Variants in DOC2B observed in about 807,000 individuals in gnomAD.
DOC2B encodes the protein double C2-like domain-containing protein beta.
In DOC2B, 21 loss-of-function variants were observed where a neutral mutation model predicts 28.9. The ratio of observed to expected loss-of-function variants is 0.73; its 90% CI spans 0.52 to 1.05. The LOEUF (loss-of-function observed/expected upper bound fraction) is 1.05, where lower values mean the gene tolerates loss of function less well. Among genes scored for constraint, DOC2B ranks in the 50% least tolerant of loss-of-function variants. DOC2B has a pLI of 0.00. For synonymous variants in DOC2B, 194 were observed against 178.1 expected (o/e 1.09, Z -0.71); for missense variants, 384 against 421.1 (o/e 0.91, Z 0.77).
chr17:147,519 G>T lies in DOC2B; in HGVS notation c.1161C>A (p.Cys387Ter). ...CGATGCGCTTGTCCTTGTTCTTCAG[G>T]CAGTCAAACCAGTGCTTCAGGCGCT... Reference protein sequence around the residue: ...KGERLKHWFDCLKNKDKRIER... With the variant: ...KGERLKHWFD Residue 387 changes from cysteine to a stop codon, truncating the protein, a stop_gained, in exon 9 of 9, where the codon TGC (cysteine) becomes TGA (stop). Coordinates refer to ENST00000613549, the MANE Select transcript of DOC2B (RefSeq NM_003585.5). LOFTEE classifies it high-confidence loss of function. 2.5e-6 allele frequency: 1 copy of T among 398,810 alleles called. No individual in the cohort carries two copies. The highest frequency in any genetic ancestry group is 4.4e-6 in the Non-Finnish European group (1 of 226,194). 24.7% of individuals were successfully genotyped at this position (398,810 alleles called of 1,614,324 possible). A position where few individuals can be genotyped will look rare whatever the true frequency, so the allele number is the denominator to read the frequency against.
chr17:159,055 A>C (rs1272105193), intron 5 of DOC2B, among the ~76,000 whole-genome samples: 6 of 151,504 alleles, frequency 4.0e-5, no homozygotes, highest in African/African-American at 1.5e-4. Flanking sequence ...AAAAAAAAAA[A>C]AACAACCAAC....
chr17:149,835 A>G (rs1228298261), intron 6 of DOC2B, among the ~76,000 whole-genome samples: 2 of 152,350 alleles, frequency 1.3e-5, no homozygotes, highest in East Asian at 3.9e-4. Context: ...TAGCAGATTT[A>G]TTGAGATATA....
In DOC2B at chr17:145,466, T is replaced by A. The variant is rs1367438777; in HGVS notation, c.*1975A>T. The A allele has an allele frequency of 6.6e-6, 1 of 152,258 alleles. No individual in the cohort carries two copies. The highest frequency in any genetic ancestry group is 1.5e-5 in the Non-Finnish European group (1 of 68,076). The allele number at this position is 152,258 out of a possible 1,614,324, so 9.4% of individuals were successfully genotyped here. A position where few individuals can be genotyped will look rare whatever the true frequency, so the allele number is the denominator to read the frequency against. On this transcript the variant is annotated 3_prime_UTR_variant, in exon 9 of 9. Coordinates refer to ENST00000613549, the MANE Select transcript of DOC2B (RefSeq NM_003585.5). ...AACCCACCTTGCAGGGCTGTGAACATGCGTTCAGACCAGTGCATGCAAAAA... is the reference window on the plus strand; with the variant it reads ...AACCCACCTTGCAGGGCTGTGAACAAGCGTTCAGACCAGTGCATGCAAAAA...
At position 162,131 on chromosome 17, in the gene DOC2B, G is replaced by A. The variant is rs2040212500; in HGVS notation, c.588C>T (p.Thr196=). Residue 196 remains threonine (T), a synonymous_variant, in exon 4 of 9, where the codon ACC becomes ACT. Transcript: ENST00000613549. ...CATCTGTGATCCCGTAGTAAGTGAG[G>A]GTCTCGTTCCATGTGGGGTTCAGAG... The part of the protein sequence containing the change: ...RNTLNPTWNE[T]LTYYGITDED... 17 of 1,551,912 alleles carry A rather than the reference G, an allele frequency of 1.1e-5. No individual in the cohort carries two copies. Among genetic ancestry groups the A allele is most frequent in the Non-Finnish European group, 1.4e-5 (16 of 1,147,036 alleles).
At chr17:161,201 T>C (rs1249777184) in intron 5 of DOC2B, among the ~76,000 whole-genome samples, 1 of 152,078 alleles carries the variant, frequency 6.6e-6, no homozygotes, top group Non-Finnish European at 1.5e-5. Context: ...TCATCCCCCA[T>C]GATCCCTCAG....
chr17:165,286 A>G (rs2040249501), intron 2 of DOC2B, among the ~76,000 whole-genome samples: 2 of 152,064 alleles, frequency 1.3e-5, no homozygotes, highest in Non-Finnish European at 1.5e-5. Context: ...GTTCAAGACC[A>G]GCCTGGGCAA....
rs1384803876 is a variant in DOC2B, at chr17:143,576, G to C, written c.*3865C>G. On this transcript the variant is annotated 3_prime_UTR_variant, in exon 9 of 9. Transcript: ENST00000613549. ...TTGACCAGGCTGGTCTCGAACTCCA[G>C]GCCTCAAGCAATTCTCCCACCTCGA... is the stretch of plus-strand genomic sequence containing the variant. 1 of 152,022 alleles carries C rather than the reference G, an allele frequency of 6.6e-6. No homozygotes were observed. The highest frequency in any genetic ancestry group is 1.5e-5 in the Non-Finnish European group (1 of 68,064). The allele number at this position is 152,022 out of a possible 1,614,324, so 9.4% of individuals were successfully genotyped here.
intron 2 of DOC2B, among the ~76,000 whole-genome samples, chr17:169,143 A>G (rs544741132): frequency 2.0e-5 from 3 of 152,264 alleles, no homozygotes; most frequent in African/African-American, 7.2e-5. Flanking sequence ...AGTATCATTC[A>G]GCCTGAAAAG....
chr17:160,127 G>A (rs2040183963), intron 5 of DOC2B, among the ~76,000 whole-genome samples: 1 of 151,982 alleles, frequency 6.6e-6, no homozygotes, highest in African/African-American at 2.4e-5. Flanking sequence ...TGGGATTACA[G>A]GCATGCACCC....
At chr17:168,870 G>A (rs531870818) in intron 2 of DOC2B, among the ~76,000 whole-genome samples, 9 of 152,358 alleles carry the variant, frequency 5.9e-5, no homozygotes, top group South Asian at 2.1e-4. Context: ...CACGTGTAAC[G>A]GCAAGTCCAA....
Position 172,518 on chromosome 17 carries a change from G to T in DOC2B, c.453+19C>A. 6.5e-7 allele frequency: 1 copy of T among 1,548,446 alleles called. No individual in the cohort carries two copies. Among genetic ancestry groups the T allele is most frequent in the Non-Finnish European group, 8.7e-7 (1 of 1,144,792 alleles). On this transcript the variant is annotated intron_variant, in intron 2 of 8. Coordinates refer to ENST00000613549, the MANE Select transcript of DOC2B (RefSeq NM_003585.5). ...GGACCCCGGGGCAGGGAATTTGGGGGCAGGCTGGCGGGGCCTACCTTGGCC... is the reference window on the plus strand; with the variant it reads ...GGACCCCGGGGCAGGGAATTTGGGGTCAGGCTGGCGGGGCCTACCTTGGCC...
chr17:162,558 G>A (rs1292209872), intron 3 of DOC2B, among the ~76,000 whole-genome samples: 1 of 152,252 alleles, frequency 6.6e-6, no homozygotes, highest in Non-Finnish European at 1.5e-5. Flanking sequence ...GAAGGAGCTA[G>A]GAAACTGTGG....
At chr17:151,107 C>A (rs1555521789) in intron 6 of DOC2B, among the ~76,000 whole-genome samples, 1 of 152,014 alleles carries the variant, frequency 6.6e-6, no homozygotes, top group Admixed American at 6.6e-5. Context: ...CCCATCTCTA[C>A]CAAAAAATTA....
intron 1 of DOC2B, among the ~76,000 whole-genome samples, chr17:177,747 A>G (rs948383177): frequency 1.3e-5 from 2 of 152,236 alleles, no homozygotes; most frequent in Admixed American, 1.3e-4. Context: ...GTGCATTACA[A>G]ATATCACAGG....
intron 5 of DOC2B, among the ~76,000 whole-genome samples, chr17:158,925 A>G (rs1325280589): frequency 6.7e-6 from 1 of 148,974 alleles, no homozygotes; most frequent in African/African-American, 2.4e-5. Flanking sequence ...CATGCCTGTA[A>G]TCCCAGCTAT....
At chr17:166,374 G>C (rs548754017) in intron 2 of DOC2B, among the ~76,000 whole-genome samples, 2 of 152,264 alleles carry the variant, frequency 1.3e-5, no homozygotes, top group East Asian at 1.9e-4. Context: ...GCTGTTTCCA[G>C]GGCAGGGAGC....
chr17:169,213 A>G (rs1324862619), intron 2 of DOC2B, among the ~76,000 whole-genome samples: 3 of 152,092 alleles, frequency 2.0e-5, no homozygotes, highest in South Asian at 2.1e-4. Flanking sequence ...GGAGTGAAAG[A>G]AGGCAGACTC....
At chr17:151,594 C>T (rs2040072615) in intron 6 of DOC2B, among the ~76,000 whole-genome samples, 1 of 152,178 alleles carries the variant, frequency 6.6e-6, no homozygotes, top group African/African-American at 2.4e-5. Context: ...AGCCCGCCAC[C>T]CGGAGACAGC....
chr17:144,539 C>A lies in DOC2B; in HGVS notation c.*2902G>T, dbSNP rs2040006514. 6.6e-6 allele frequency: 1 copy of A among 152,234 alleles called. No individual in the cohort carries two copies. Among genetic ancestry groups the A allele is most frequent in the Non-Finnish European group, 1.5e-5 (1 of 68,050 alleles). 9.4% of individuals were successfully genotyped at this position (152,234 alleles called of 1,614,324 possible). On this transcript the variant is annotated 3_prime_UTR_variant, in exon 9 of 9. Transcript: ENST00000613549. ...CCTCCCAAAGTGCTGCAATTACAGGCGTGAGCCATCGTGCCTCAAAACGCT... is the reference window on the plus strand; with the variant it reads ...CCTCCCAAAGTGCTGCAATTACAGGAGTGAGCCATCGTGCCTCAAAACGCT...
Sources: allele counts gnomAD v4.1 joint callset (sites outside exome capture counted in the v4.1 genomes callset), GRCh38; gene constraint gnomAD v4.1.1; transcripts MANE v1.5; gene names NCBI Gene and HGNC (gene_info 2026-07-23, HGNC 2026-07-21).